Variants in DGKI observed in about 807,000 individuals in gnomAD.
The protein encoded by DGKI is diacylglycerol kinase iota.
A neutral mutation model predicts 147.5 loss-of-function variants in DGKI; 55 were observed. The observed-to-expected ratio is 0.37, with a 90% CI of 0.30 to 0.47. The LOEUF is 0.47. Ranked by LOEUF, DGKI falls within the 20% of genes least tolerant of loss-of-function variation. The pLI is 1.00. For missense variants in DGKI, 1,007 were observed against 1,323.8 expected (o/e 0.76, Z 3.71); for synonymous variants, 469 against 477.1 (o/e 0.98, Z 0.22).
chr7:137,474,942 C>T (rs1198916575), intron 23 of DGKI, among the ~76,000 whole-genome samples: 1 of 152,162 alleles, frequency 6.6e-6, no homozygotes, highest in Admixed American at 6.5e-5. Context: ...TAATATCTAT[C>T]ATAAAGGGTT....
At chr7:137,586,632 A>G (rs1045913891) in intron 13 of DGKI, among the ~76,000 whole-genome samples, 3 of 152,136 alleles carry the variant, frequency 2.0e-5, no homozygotes, top group Non-Finnish European at 4.4e-5. Flanking sequence ...GTAAGTACCT[A>G]TACAGCCAAA....
chr7:137,596,923 C>T (rs895204725), intron 12 of DGKI, among the ~76,000 whole-genome samples: 10 of 152,114 alleles, frequency 6.6e-5, no homozygotes, highest in African/African-American at 1.9e-4. Flanking sequence ...ATAATACATT[C>T]GTAGATCCTA....
chr7:137,595,671 T>G (rs1371019657), intron 12 of DGKI, among the ~76,000 whole-genome samples: 1 of 152,142 alleles, frequency 6.6e-6, no homozygotes, highest in East Asian at 1.9e-4. Flanking sequence ...CAATACTACA[T>G]GACCTAGCAC....
intron 22 of DGKI, among the ~76,000 whole-genome samples, chr7:137,486,965 G>T (rs1478320774): frequency 6.6e-6 from 1 of 152,006 alleles, no homozygotes; most frequent in African/African-American, 2.4e-5. Context: ...TTGTGGAATG[G>T]AGACGGTTAA....
intron 7 of DGKI, 135 bp from the exon 8 acceptor site, chr7:137,620,075 C>A: frequency 1.5e-6 from 1 of 663,188 alleles, no homozygotes; most frequent in Non-Finnish European, 2.7e-6. Flanking sequence ...CACAAAAATA[C>A]ATATGCATGC....
intron 5 of DGKI, among the ~76,000 whole-genome samples, chr7:137,650,216 T>C (rs1481351942): frequency 2.0e-5 from 3 of 152,172 alleles, no homozygotes; most frequent in African/African-American, 4.8e-5. Flanking sequence ...CCTTTGTAAA[T>C]GCATTCAGTC....
At chr7:137,464,333 T>C (rs1814572159) in intron 26 of DGKI, among the ~76,000 whole-genome samples, 1 of 149,322 alleles carries the variant, frequency 6.7e-6, no homozygotes, top group Non-Finnish European at 1.5e-5. Context: ...CTTGGCAGAA[T>C]GGACTTTCTC....
chr7:137,537,511 T>TACA (rs1296402592), intron 20 of DGKI, among the ~76,000 whole-genome samples: 1 of 151,800 alleles, frequency 6.6e-6, no homozygotes, highest in Non-Finnish European at 1.5e-5. Flanking sequence ...CACCTAGAAA[T>TACA]ACAATAATAA....
intron 21 of DGKI, among the ~76,000 whole-genome samples, chr7:137,505,598 T>C (rs1816339220): frequency 1.3e-5 from 2 of 152,036 alleles, no homozygotes; most frequent in African/African-American, 2.4e-5. Flanking sequence ...ATGAAATCAA[T>C]TGTTTCAGAG....
intron 1 of DGKI, among the ~76,000 whole-genome samples, chr7:137,817,211 A>G (rs886302899): frequency 7.9e-5 from 12 of 152,168 alleles, no homozygotes; most frequent in African/African-American, 2.9e-4. Context: ...CTTCAGCTGA[A>G]CAATTCCCCA....
At chr7:137,845,956 T>C (rs796271091) in intron 1 of DGKI, among the ~76,000 whole-genome samples, 11 of 152,282 alleles carry the variant, frequency 7.2e-5, no homozygotes, top group African/African-American at 2.6e-4. Context: ...TGTAGTGCTA[T>C]TCTTTTCTGC....
intron 1 of DGKI, among the ~76,000 whole-genome samples, chr7:137,746,310 C>T (rs1795328253): frequency 6.6e-6 from 1 of 152,154 alleles, no homozygotes; most frequent in African/African-American, 2.4e-5. Flanking sequence ...TATTTTCCCT[C>T]ATCAACTGCT....
At chr7:137,678,372 C>G (rs769032345) in intron 3 of DGKI, among the ~76,000 whole-genome samples, 185 bp downstream of exon 3, 1 of 152,192 alleles carries the variant, frequency 6.6e-6, no homozygotes, top group South Asian at 2.1e-4. Context: ...AAAACCATTA[C>G]GAGCGACAAC....
chr7:137,500,803 T>C (rs1320993042), intron 21 of DGKI, among the ~76,000 whole-genome samples: 2 of 152,172 alleles, frequency 1.3e-5, no homozygotes, highest in Non-Finnish European at 2.9e-5. Flanking sequence ...GTGTATACAA[T>C]GTATAATGAT....
chr7:137,706,541 TTTTA>T (rs1353874781), intron 1 of DGKI, among the ~76,000 whole-genome samples: 13 of 150,060 alleles, frequency 8.7e-5, no homozygotes, highest in Admixed American at 2.6e-4. Flanking sequence ...TTTTATTTCA[TTTTA>T]TTTATCTATT....
At chr7:137,774,425 A>T (rs1234916409) in intron 1 of DGKI, among the ~76,000 whole-genome samples, 1 of 152,204 alleles carries the variant, frequency 6.6e-6, no homozygotes, top group African/African-American at 2.4e-5. Context: ...TCAACTCAGA[A>T]GGTTCTTTTT....
rs115454705 is a variant in DGKI at position 137,707,383 on chromosome 7, G to A, written c.402-17381C>T. Among the ~76,000 whole-genome samples, 773 of 152,292 alleles carry A rather than the reference G, an allele frequency of 5.1e-3. 7 individuals are homozygous for A. The highest frequency in any genetic ancestry group is 0.017 in the African/African-American group (705 of 41,554). ...CTTGGACTGATGGTAGCTTTAGTGC[G>A]CTCCATTGACCCACACAGCTCTCCC... On this transcript the variant is annotated intron_variant, in intron 1 of 32. Coordinates refer to ENST00000614521, the MANE Select transcript of DGKI (RefSeq NM_001321708.2).
At chr7:137,545,942 G>A (rs777992526) in intron 20 of DGKI, 6 of 702,570 alleles carry the variant, frequency 8.5e-6, no homozygotes, top group South Asian at 3.0e-5. Flanking sequence ...CCGCAGGTCC[G>A]CAGTTTGCAC....
intron 1 of DGKI, among the ~76,000 whole-genome samples, chr7:137,753,057 C>G (rs1339834581): frequency 6.6e-6 from 1 of 152,104 alleles, no homozygotes; most frequent in African/African-American, 2.4e-5. Context: ...CACACACACA[C>G]ACACACACGC....
Sources: gnomAD v4.1 joint callset for allele counts (sites outside exome capture counted in the v4.1 genomes callset) on GRCh38, gnomAD v4.1.1 for gene constraint, MANE v1.5 for transcripts, NCBI Gene and HGNC (gene_info 2026-07-23, HGNC 2026-07-21) for gene names.